The following DYRK1A variants were observed in gnomAD, a reference collection of about 807,000 sequenced individuals.
DYRK1A encodes dual specificity tyrosine phosphorylation regulated kinase 1A, also known as dual specificity tyrosine-phosphorylation-regulated kinase 1A.
A neutral mutation model predicts 79.7 loss-of-function variants in DYRK1A; 9 were observed. The ratio of observed to expected loss-of-function variants is 0.11; its 90% CI spans 0.07 to 0.20. The LOEUF (loss-of-function observed/expected upper bound fraction) is 0.20. Ranked by LOEUF, DYRK1A falls within the 10% of genes least tolerant of loss-of-function variation. The probability of loss-of-function intolerance (pLI) is 1.00; values close to 1 mark genes in which losing one functional copy is unlikely to be tolerated. For missense variants in DYRK1A, 622 were observed against 956.0 expected (o/e 0.65, Z 4.61); for synonymous variants, 349 against 329.7 (o/e 1.06, Z -0.63).
At position 37,522,097 on chromosome 21, in the gene DYRK1A, A is replaced by T. The variant is rs2053938862; in HGVS notation, c.*9566A>T. On this transcript the variant is annotated 3_prime_UTR_variant, in exon 12 of 12. Transcript: ENST00000647188. ...GAGAATCTTGTATGTTCTAAAAATT[A>T]ACATCATTGCAGCTTCCTCAGCCCT... The T allele has an allele frequency of 6.6e-6, 1 of 152,192 alleles. No homozygotes were observed. The highest frequency in any genetic ancestry group is 2.4e-5 in the African/African-American group (1 of 41,434). 9.4% of individuals were successfully genotyped at this position (152,192 alleles called of 1,614,324 possible).
chr21:37,393,310 G>A (rs2049904912), intron 1 of DYRK1A, among the ~76,000 whole-genome samples: 1 of 152,202 alleles, frequency 6.6e-6, no homozygotes, highest in Admixed American at 6.5e-5. Flanking sequence ...GGTACAAGTA[G>A]TTTCAGAAAC....
At chr21:37,450,955 TG>T (rs1364901874) in intron 2 of DYRK1A, among the ~76,000 whole-genome samples, 1 of 152,170 alleles carries the variant, frequency 6.6e-6, no homozygotes, top group Non-Finnish European at 1.5e-5. Context: ...CCCCTAAGAC[TG>T]TAATGAAGCT....
chr21:37,489,826 GCTTT>G (rs1470816169), intron 6 of DYRK1A, among the ~76,000 whole-genome samples: 1 of 152,096 alleles, frequency 6.6e-6, no homozygotes, highest in Non-Finnish European at 1.5e-5. Flanking sequence ...AGTAAAAAGT[GCTTT>G]CTTTTATAAA....
chr21:37,438,201 A>G (rs1034569892), intron 2 of DYRK1A, among the ~76,000 whole-genome samples: 2 of 152,128 alleles, frequency 1.3e-5, no homozygotes, highest in African/African-American at 4.8e-5. Flanking sequence ...AGTTTCTTAT[A>G]CATTTGATAC....
At chr21:37,487,484 C>A (rs1171021289) in intron 6 of DYRK1A, 1 of 152,016 alleles carries the variant, frequency 6.6e-6, no homozygotes, top group African/African-American at 2.4e-5. Context: ...ATTTTATGTA[C>A]CGTCAAGGAA....
intron 2 of DYRK1A, among the ~76,000 whole-genome samples, chr21:37,470,898 G>A (rs2052199978): frequency 6.6e-6 from 1 of 152,190 alleles, no homozygotes; most frequent in South Asian, 2.1e-4. Context: ...ATGATGAAAT[G>A]TTTAGAAAAG....
In DYRK1A at chr21:37,457,013, TTTAC is replaced by T. The variant is rs149046084; in HGVS notation, c.11-15647_11-15644del. Among the ~76,000 whole-genome samples the T allele has an allele frequency of 8.8e-3, 1,236 of 141,250 alleles. 7 individuals are homozygous for T. The highest frequency in any genetic ancestry group is 0.021 in the Middle Eastern group (6 of 282). The allele number at this position is 141,250 out of a possible 152,430, so 92.7% of individuals were successfully genotyped here. On this transcript the variant is annotated intron_variant, in intron 2 of 11. Coordinates refer to ENST00000647188, the MANE Select transcript of DYRK1A (RefSeq NM_001347721.2). ...ATTTGCTTGAGAGGTAAAAAGAAAA[TTTAC>T]TTACTTACTTACTTACTTACTTATT...
At chr21:37,488,185 A>T (rs2052942282) in intron 6 of DYRK1A, 1 of 193,606 alleles carries the variant, frequency 5.2e-6, no homozygotes, top group South Asian at 1.8e-4. Context: ...TGATCATATT[A>T]TTAATTGTAT....
chr21:37,448,720 T>C (rs1425733277), intron 2 of DYRK1A, among the ~76,000 whole-genome samples: 2 of 151,944 alleles, frequency 1.3e-5, no homozygotes, highest in Non-Finnish European at 2.9e-5. Flanking sequence ...GGCAGAGTCT[T>C]ACTCTGTTGC....
chr21:37,506,135 G>A lies in DYRK1A; in HGVS notation c.1556G>A (p.Arg519Gln), dbSNP rs146570372. The stretch of plus-strand genomic sequence containing the variant: ...GGGACAAGCAACAGTGGGAGAGCCC[G>A]GTCGGATCCGACGCACCAGCATCGG... ...SSGTSNSGRA[R>Q]SDPTHQHRHS... The change falls in exon 11 of 12, where the codon CGG (arginine) becomes CAG (glutamine). Residue 519 changes from arginine to glutamine, a missense_variant. Physicochemically the swap from Arg to Gln is conservative, Grantham distance 43. Coordinates refer to ENST00000647188, the MANE Select transcript of DYRK1A (RefSeq NM_001347721.2). 9 of 1,613,642 alleles carry A rather than the reference G, an allele frequency of 5.6e-6. No individual in the cohort carries two copies. The highest frequency in any genetic ancestry group is 4.0e-5 in the African/African-American group (3 of 74,916).
At chr21:37,388,659 T>C (rs549751788) in intron 1 of DYRK1A, among the ~76,000 whole-genome samples, 31 of 151,944 alleles carry the variant, frequency 2.0e-4, no homozygotes, top group African/African-American at 6.8e-4. Flanking sequence ...TCTCCATTTT[T>C]TTTTTTTCGG....
At chr21:37,436,518 A>G (rs2050929623) in intron 2 of DYRK1A, among the ~76,000 whole-genome samples, 1 of 152,188 alleles carries the variant, frequency 6.6e-6, no homozygotes, top group Non-Finnish European at 1.5e-5. Flanking sequence ...GTTAAAGCAT[A>G]GGACTCTTTT....
intron 2 of DYRK1A, among the ~76,000 whole-genome samples, chr21:37,447,509 T>C (rs1031857485): frequency 6.6e-6 from 1 of 152,216 alleles, no homozygotes; most frequent in South Asian, 2.1e-4. Context: ...CATTGGTTTA[T>C]GTATTATATC....
At chr21:37,502,773 T>A (rs1466902588) in intron 9 of DYRK1A, 1 of 152,206 alleles carries the variant, frequency 6.6e-6, no homozygotes, top group African/African-American at 2.4e-5. Flanking sequence ...CCTTTAACTT[T>A]TATTTTGTAA....
intron 6 of DYRK1A, chr21:37,487,993 C>T (rs2052934234): frequency 2.6e-5 from 4 of 152,078 alleles, no homozygotes; most frequent in Non-Finnish European, 2.9e-5. Context: ...TGCCTCCTGC[C>T]TTCTCCTCAC....
intron 11 of DYRK1A, among the ~76,000 whole-genome samples, chr21:37,507,230 T>TCG (rs2053623123): frequency 6.6e-6 from 1 of 152,160 alleles, no homozygotes; most frequent in Non-Finnish European, 1.5e-5. Flanking sequence ...GTGTGTTTCT[T>TCG]TCTGCCTAAG....
chr21:37,418,743 AG>A (rs1049666109), intron 1 of DYRK1A, among the ~76,000 whole-genome samples: 1 of 152,214 alleles, frequency 6.6e-6, no homozygotes, highest in African/African-American at 2.4e-5. Flanking sequence ...GCAGCACTCT[AG>A]TGTTCATCCA....
At chr21:37,435,172 C>T (rs1569319105) in intron 2 of DYRK1A, among the ~76,000 whole-genome samples, 1 of 152,148 alleles carries the variant, frequency 6.6e-6, no homozygotes, top group African/African-American at 2.4e-5. Context: ...AATTTCATTT[C>T]TTGTTTATTG....
rs116208840 is a variant in DYRK1A, at chr21:37,465,565, G to A, written c.11-7119G>A. Among the ~76,000 whole-genome samples, 407 of 152,302 alleles carry A rather than the reference G, an allele frequency of 2.7e-3. 2 individuals carry two copies. The highest frequency in any genetic ancestry group is 9.2e-3 in the African/African-American group (382 of 41,558). ...GAAATGTTGACCCTTGGCCAGGCAT[G>A]GTGGCTCATGCCTGTAATCCTAGCA... On this transcript the variant is annotated intron_variant, in intron 2 of 11. Coordinates refer to ENST00000647188, the MANE Select transcript of DYRK1A (RefSeq NM_001347721.2).
Sources: gnomAD v4.1 joint callset for allele counts (sites outside exome capture counted in the v4.1 genomes callset) on GRCh38, gnomAD v4.1.1 for gene constraint, MANE v1.5 for transcripts, NCBI Gene and HGNC (gene_info 2026-07-23, HGNC 2026-07-21) for gene names.